SMURF1: variants seen among roughly 807,000 people sequenced by gnomAD.
The protein encoded by SMURF1 is E3 ubiquitin-protein ligase SMURF1.
A neutral mutation model predicts 98.0 loss-of-function variants in SMURF1; 44 were observed. That is an observed-to-expected ratio of 0.45 (90% CI 0.35 to 0.58). The LOEUF (loss-of-function observed/expected upper bound fraction) is 0.58. Ranked by LOEUF, SMURF1 falls within the 20% of genes least tolerant of loss-of-function variation. The probability of loss-of-function intolerance (pLI) is 0.00; values close to 1 mark genes in which losing one functional copy is unlikely to be tolerated. For synonymous variants in SMURF1, 396 were observed against 374.9 expected, an observed-to-expected ratio of 1.06 and a Z score of -0.65; for missense variants, 687 against 938.4, an observed-to-expected ratio of 0.73 and a Z score of 3.50.
intron 1 of SMURF1, among the ~76,000 whole-genome samples, chr7:99,113,764 G>A (rs550813642): frequency 2.8e-5 from 4 of 143,582 alleles, no homozygotes; most frequent in Admixed American, 7.4e-5. Context: ...GCGTGAACCC[G>A]GGAGGCGGAG....
chr7:99,126,597 G>A (rs745408920), intron 1 of SMURF1, among the ~76,000 whole-genome samples: 16 of 152,200 alleles, frequency 1.1e-4, no homozygotes, highest in Non-Finnish European at 2.4e-4. Context: ...GGAGGTTGCA[G>A]TGAGCTGAGA....
intron 1 of SMURF1, among the ~76,000 whole-genome samples, chr7:99,098,319 A>G (rs761788724): frequency 1.3e-5 from 2 of 152,132 alleles, no homozygotes; most frequent in Non-Finnish European, 2.9e-5. Context: ...GCATTTTCCT[A>G]TGGGCATTAC....
intron 1 of SMURF1, among the ~76,000 whole-genome samples, chr7:99,096,765 A>G (rs983031940): frequency 6.6e-6 from 1 of 152,256 alleles, no homozygotes; most frequent in Non-Finnish European, 1.5e-5. Context: ...AGAGTCAGCA[A>G]GGATATATAT....
At position 99,028,669 on chromosome 7, in the gene SMURF1, T is replaced by A. The variant is rs1794781455; in HGVS notation, c.*1915A>T. Reference sequence around the variant, plus strand: ...GTCTTTTAAACCATGAGACCCTGGTTTCCTTCCTAGTTACTGAAGATTTTG... The same window carrying A: ...GTCTTTTAAACCATGAGACCCTGGTATCCTTCCTAGTTACTGAAGATTTTG... On this transcript the variant is annotated 3_prime_UTR_variant, in exon 18 of 18. Transcript: ENST00000361368. 1 of 152,220 alleles carries A rather than the reference T, an allele frequency of 6.6e-6. No homozygotes were observed. Among genetic ancestry groups the A allele is most frequent in the Non-Finnish European group, 1.5e-5 (1 of 68,050 alleles). The allele number at this position is 152,220 out of a possible 1,614,324, so 9.4% of individuals were successfully genotyped here. A position where few individuals can be genotyped will look rare whatever the true frequency, so the allele number is the denominator to read the frequency against.
At chr7:99,126,328 T>C (rs910343382) in intron 1 of SMURF1, among the ~76,000 whole-genome samples, 2 of 152,160 alleles carry the variant, frequency 1.3e-5, no homozygotes, top group African/African-American at 2.4e-5. Flanking sequence ...TTCTTTATAC[T>C]TTTCAATAAG....
Position 99,080,565 on chromosome 7 carries a change from C to G in SMURF1, c.56-18728G>C, listed in dbSNP as rs370933165. Among the ~76,000 whole-genome samples the G allele has an allele frequency of 1.3e-4, 20 of 152,334 alleles. No individual in the cohort carries two copies. In the East Asian group the frequency reaches 3.9e-3, roughly 29 times the overall value. On this transcript the variant is annotated intron_variant, in intron 1 of 17. Coordinates refer to ENST00000361368, the MANE Select transcript of SMURF1 (RefSeq NM_181349.3). ...CAGCCCACCTCGGCCTCCCAAACTG[C>G]TGGGATTACAGGCGTGAGCCACCAC...
At chr7:99,119,304 C>G (rs1797539691) in intron 1 of SMURF1, among the ~76,000 whole-genome samples, 2 of 152,076 alleles carry the variant, frequency 1.3e-5, no homozygotes, top group South Asian at 4.2e-4. Context: ...ATTTCCTTTC[C>G]AAATAAGCCA....
chr7:99,107,610 T>C (rs1196486475), intron 1 of SMURF1, among the ~76,000 whole-genome samples: 3 of 152,278 alleles, frequency 2.0e-5, no homozygotes, highest in Admixed American at 1.3e-4. Flanking sequence ...ACAGAGAAAG[T>C]TGAGCGTCAA....
intron 1 of SMURF1, among the ~76,000 whole-genome samples, chr7:99,099,155 A>C (rs1307693339): frequency 6.6e-6 from 1 of 152,062 alleles, no homozygotes; most frequent in Non-Finnish European, 1.5e-5. Context: ...CTTCTATGCA[A>C]TGTTAAGGAA....
intron 9 of SMURF1, chr7:99,049,150 G>A (rs1189520273): frequency 5.9e-6 from 1 of 168,412 alleles, no homozygotes; most frequent in Non-Finnish European, 1.3e-5. Context: ...GACAGGCCTG[G>A]AACACTAAAT....
chr7:99,034,266 C>T lies in SMURF1; in HGVS notation c.2012-1145G>A, dbSNP rs577890637. On this transcript the variant is annotated intron_variant, in intron 16 of 17. Transcript: ENST00000361368. ...TCCCACAGCACCAGCACTCCCTGTT[C>T]GGGACTGTGACCCTGGTCACCTCTG... Among the ~76,000 whole-genome samples the T allele has an allele frequency of 1.2e-4, 18 of 152,204 alleles. No individual in the cohort carries two copies. The South Asian group carries it at 1.2e-3, about 11-fold the overall frequency.
chr7:99,092,580 C>G (rs1584169830), intron 1 of SMURF1, among the ~76,000 whole-genome samples: 1 of 152,134 alleles, frequency 6.6e-6, no homozygotes, highest in East Asian at 1.9e-4. Context: ...TTTTCATGGT[C>G]TATTTAGTGC....
rs770280686 is a variant in SMURF1 at position 99,037,043 on chromosome 7, C to G, written c.1809+24G>C. 9.9e-6 allele frequency: 16 copies of G among 1,612,836 alleles called. No individual in the cohort carries two copies. In the East Asian group the frequency reaches 3.1e-4, roughly 31 times the overall value. On this transcript the variant is annotated intron_variant, in intron 15 of 17. Transcript: ENST00000361368. ...CGCCAGCCACAGGGACGCCCTGGGT[C>G]GACTCCGCACAGCAGGCACATACCT...
intron 1 of SMURF1, among the ~76,000 whole-genome samples, chr7:99,089,606 C>G (rs567494731): frequency 1.6e-4 from 25 of 152,058 alleles, no homozygotes; most frequent in Admixed American, 7.2e-4. Context: ...ATACCATTGC[C>G]CTCCAGCCTG....
chr7:99,084,229 T>C (rs750181751), intron 1 of SMURF1, among the ~76,000 whole-genome samples: 2 of 152,244 alleles, frequency 1.3e-5, no homozygotes, highest in Non-Finnish European at 2.9e-5. Flanking sequence ...CTTTGACACA[T>C]AAATCTATAT....
intron 1 of SMURF1, among the ~76,000 whole-genome samples, chr7:99,112,959 T>G (rs543811332): frequency 5.9e-5 from 9 of 152,102 alleles, no homozygotes; most frequent in Non-Finnish European, 1.0e-4. Context: ...AATAGGTAAC[T>G]TGAGGTTTTC....
chr7:99,042,423 G>A (rs981267317), intron 11 of SMURF1, among the ~76,000 whole-genome samples, 191 bp from the exon 12 acceptor site: 9 of 152,048 alleles, frequency 5.9e-5, no homozygotes, highest in Admixed American at 3.3e-4. Flanking sequence ...ACAGGCATGC[G>A]CCACCAGGCC....
intron 1 of SMURF1, among the ~76,000 whole-genome samples, chr7:99,099,887 C>G (rs1220720358): frequency 3.3e-5 from 5 of 152,064 alleles, no homozygotes; most frequent in African/African-American, 1.2e-4. Context: ...ACTTTCCAAC[C>G]CCCAGAATCA....
Position 99,057,554 on chromosome 7 carries a change from GGAAA to G in SMURF1, c.204-7_204-4del, listed in dbSNP as rs1324036807. On this transcript the variant is annotated splice_region_variant and splice_polypyrimidine_tract_variant and intron_variant, in intron 3 of 17. Transcript: ENST00000361368. ...TCGAATCCGTTTTCCCAACATATCT[GGAAA>G]GAAAGTGCAAAACTCATTTTTAATT... 4 of 1,527,704 alleles carry G rather than the reference GGAAA, an allele frequency of 2.6e-6. No individual in the cohort carries two copies. The African/African-American group carries it at 4.3e-5, about 16-fold the overall frequency. 94.6% of individuals were successfully genotyped at this position (1,527,704 alleles called of 1,614,324 possible).
Sources: allele counts gnomAD v4.1 joint callset (sites outside exome capture counted in the v4.1 genomes callset), GRCh38; gene constraint gnomAD v4.1.1; transcripts MANE v1.5; gene names NCBI Gene and HGNC (gene_info 2026-07-23, HGNC 2026-07-21).